Variants in PHC3 observed in about 807,000 individuals in gnomAD.
PHC3 encodes polyhomeotic-like protein 3.
Under a neutral mutation model 107.4 loss-of-function variants are expected in PHC3, and 13 were observed. The observed-to-expected ratio is 0.12, with a 90% CI of 0.08 to 0.19. PHC3 has a LOEUF of 0.19. Among genes scored for constraint, PHC3 ranks in the 10% least tolerant of loss-of-function variants. PHC3 has a pLI of 1.00. For missense variants in PHC3, 992 were observed against 1,210.9 expected (o/e 0.82, Z 2.68); for synonymous variants, 456 against 427.4 (o/e 1.07, Z -0.83).
intron 6 of PHC3, among the ~76,000 whole-genome samples, chr3:170,139,661 G>A (rs910828988): frequency 6.6e-6 from 1 of 152,106 alleles, no homozygotes; most frequent in Non-Finnish European, 1.5e-5. Context: ...TATTATTTAT[G>A]TGAACATATA....
chr3:170,120,533 A>G (rs1468267363), intron 9 of PHC3, among the ~76,000 whole-genome samples: 1 of 152,064 alleles, frequency 6.6e-6, no homozygotes, highest in Non-Finnish European at 1.5e-5. Flanking sequence ...AGATCATGCC[A>G]CTGCACTCCA....
intron 11 of PHC3, among the ~76,000 whole-genome samples, chr3:170,112,465 C>T (rs1210804198): frequency 6.7e-6 from 1 of 149,896 alleles, no homozygotes; most frequent in Non-Finnish European, 1.5e-5. Flanking sequence ...CCTTGTGATC[C>T]ACCCACCTCA....
intron 4 of PHC3, among the ~76,000 whole-genome samples, chr3:170,166,188 G>A (rs942830722): frequency 6.6e-6 from 1 of 151,854 alleles, no homozygotes; most frequent in Non-Finnish European, 1.5e-5. Context: ...GGAATTATAG[G>A]CACGTACCAC....
intron 8 of PHC3, among the ~76,000 whole-genome samples, chr3:170,123,505 T>G (rs543623523): frequency 6.6e-6 from 1 of 151,896 alleles, no homozygotes; most frequent in Non-Finnish European, 1.5e-5. Context: ...AGAAGGAAAA[T>G]GGGGCCAGGT....
chr3:170,125,174 G>A (rs192639688), intron 8 of PHC3, among the ~76,000 whole-genome samples: 40 of 152,194 alleles, frequency 2.6e-4, no homozygotes, highest in Non-Finnish European at 4.9e-4. Context: ...AATCTCAGAC[G>A]TGAAAGCAGT....
At chr3:170,160,021 C>A (rs1282972531) in intron 4 of PHC3, among the ~76,000 whole-genome samples, 1 of 152,150 alleles carries the variant, frequency 6.6e-6, no homozygotes, top group East Asian at 1.9e-4. Flanking sequence ...AAACAAAATT[C>A]TTATCATACT....
chr3:170,111,824 G>C (rs1717845139), intron 11 of PHC3, among the ~76,000 whole-genome samples: 1 of 152,150 alleles, frequency 6.6e-6, no homozygotes, highest in African/African-American at 2.4e-5. Flanking sequence ...ACAGTATCTA[G>C]TTTGCTTACC....
chr3:170,139,360 A>G (rs1278415809), intron 6 of PHC3, among the ~76,000 whole-genome samples: 1 of 152,202 alleles, frequency 6.6e-6, no homozygotes, highest in Non-Finnish European at 1.5e-5. Flanking sequence ...ACAAGTATCT[A>G]GAAGAGGCAC....
chr3:170,178,191 G>A (rs1017641866), intron 2 of PHC3, among the ~76,000 whole-genome samples: 5 of 149,302 alleles, frequency 3.3e-5, no homozygotes, highest in Admixed American at 6.7e-5. Context: ...TCGCTCAGGC[G>A]GGAGTGCTGT....
chr3:170,120,165 C>T (rs866507718), intron 9 of PHC3, among the ~76,000 whole-genome samples: 2 of 152,070 alleles, frequency 1.3e-5, no homozygotes, highest in South Asian at 2.1e-4. Context: ...AGCAATAAAA[C>T]TTACATTTCT....
intron 4 of PHC3, among the ~76,000 whole-genome samples, chr3:170,165,636 T>G (rs1324779000): frequency 1.3e-5 from 2 of 150,934 alleles, no homozygotes; most frequent in Non-Finnish European, 2.9e-5. Context: ...CGCCTGTAAT[T>G]CCAGCTACTT....
At chr3:170,145,288 T>A (rs1216845905) in intron 6 of PHC3, 135 bp downstream of exon 6, 2 of 588,028 alleles carry the variant, frequency 3.4e-6, no homozygotes, top group Non-Finnish European at 5.7e-6. Flanking sequence ...TCTCATTGTA[T>A]TTTATTAAAT....
At position 170,108,357 on chromosome 3, in the gene PHC3, T is replaced by C. The variant is rs150650571; in HGVS notation, c.2354-1411A>G. 6.7e-3 allele frequency among the ~76,000 whole-genome samples: 1,014 copies of C among 152,264 alleles called. 35 individuals are homozygous for C. Among genetic ancestry groups the C allele is most frequent in the Admixed American group, 0.056 (849 of 15,280 alleles). On this transcript the variant is annotated intron_variant, in intron 11 of 14. Coordinates refer to ENST00000495893, the MANE Select transcript of PHC3 (RefSeq NM_024947.4). The stretch of plus-strand genomic sequence containing the variant: ...ACCTCAGTTTTACTGGGGAAGCAGA[T>C]GGCAAAGTGCTAAATTAAGTGAAGT...
Position 170,090,352 on chromosome 3 carries a change from G to C in PHC3, c.*6878C>G, listed in dbSNP as rs888405314. 6.6e-6 allele frequency: 1 copy of C among 152,128 alleles called. No homozygotes were observed. Among genetic ancestry groups the C allele is most frequent in the Non-Finnish European group, 1.5e-5 (1 of 68,030 alleles). 9.4% of individuals were successfully genotyped at this position (152,128 alleles called of 1,614,324 possible). A position where few individuals can be genotyped will look rare whatever the true frequency, so the allele number is the denominator to read the frequency against. ...TTTAAGCCACAATGAATTTTGGGGG[G>C]AAGATTTTACTTACTACTAGTTCCT... On this transcript the variant is annotated 3_prime_UTR_variant, in exon 15 of 15. Coordinates refer to ENST00000495893, the MANE Select transcript of PHC3 (RefSeq NM_024947.4).
intron 14 of PHC3, among the ~76,000 whole-genome samples, chr3:170,098,575 A>G (rs1028421589): frequency 6.6e-6 from 1 of 152,170 alleles, no homozygotes; most frequent in Non-Finnish European, 1.5e-5. Context: ...TGAATACATA[A>G]TATTTGTCAA....
intron 4 of PHC3, chr3:170,170,737 T>A (rs945428563): frequency 1.3e-5 from 2 of 151,866 alleles, no homozygotes; most frequent in Non-Finnish European, 2.9e-5. Flanking sequence ...GTAGAGTAGA[T>A]ACAGAAATTT....
At position 170,094,872 on chromosome 3, in the gene PHC3, G is replaced by A. The variant is rs1714471728; in HGVS notation, c.*2358C>T. On this transcript the variant is annotated 3_prime_UTR_variant, in exon 15 of 15. Coordinates refer to ENST00000495893, the MANE Select transcript of PHC3 (RefSeq NM_024947.4). The stretch of plus-strand genomic sequence containing the variant: ...GGCACAGGGGCTTTCAATAAGTACA[G>A]AATGGCTGCTATTAGGAAAGAGAAC... 1 of 152,216 alleles carries A rather than the reference G, an allele frequency of 6.6e-6. No homozygotes were observed. The highest frequency in any genetic ancestry group is 1.5e-5 in the Non-Finnish European group (1 of 68,010). 9.4% of individuals were successfully genotyped at this position (152,216 alleles called of 1,614,324 possible). A position where few individuals can be genotyped will look rare whatever the true frequency, so the allele number is the denominator to read the frequency against.
chr3:170,148,785 T>C (rs1725427163), intron 5 of PHC3: 2 of 197,310 alleles, frequency 1.0e-5, no homozygotes, highest in African/African-American at 4.6e-5. Flanking sequence ...TTCACAGATA[T>C]TAAAATATGA....
intron 4 of PHC3, chr3:170,171,073 C>T: frequency 2.3e-6 from 1 of 430,190 alleles, no homozygotes; most frequent in Non-Finnish European, 4.0e-6. Context: ...AATATCCCTG[C>T]ATTGTATATT....
Sources: allele counts gnomAD v4.1 joint callset (sites outside exome capture counted in the v4.1 genomes callset), GRCh38; gene constraint gnomAD v4.1.1; transcripts MANE v1.5; gene names NCBI Gene and HGNC (gene_info 2026-07-23, HGNC 2026-07-21).